DMKN: variants seen among roughly 807,000 people sequenced by gnomAD.
DMKN encodes the protein epidermis-specific secreted protein SK30/SK89.
A neutral mutation model predicts 67.6 loss-of-function variants in DMKN; 58 were observed. The ratio of observed to expected loss-of-function variants is 0.86; its 90% CI spans 0.69 to 1.07. The LOEUF (loss-of-function observed/expected upper bound fraction) is 1.07. DMKN is among the 50% of genes least tolerant of loss of function. The pLI is 0.00. For synonymous variants in DMKN, 240 were observed against 232.3 expected (o/e 1.03, Z -0.30); for missense variants, 596 against 601.5 (o/e 0.99, Z 0.10).
In DMKN at chr19:35,513,619, T is replaced by C; in HGVS notation, c.-144A>G. ...CCCTCCCTCTGGGTCTGCAGCCTTC[T>C]CTCTCCTGTCCTCAACTGCCTGGGC... On this transcript the variant is annotated 5_prime_UTR_variant, in exon 1 of 16. Transcript: ENST00000339686. The C allele has an allele frequency of 9.5e-7, 1 of 1,050,394 alleles. No homozygotes were observed. The highest frequency in any genetic ancestry group is 1.7e-5 in the South Asian group (1 of 59,340). 65.1% of individuals were successfully genotyped at this position (1,050,394 alleles called of 1,614,324 possible).
At chr19:35,506,478 C>T (rs565856112) in intron 7 of DMKN, 9 of 582,950 alleles carry the variant, frequency 1.5e-5, no homozygotes, top group African/African-American at 7.4e-5. Context: ...GATTAGCTAA[C>T]GTGTAGTCCC....
chr19:35,500,204 C>G (rs1275080261), intron 12 of DMKN, 175 bp from the exon 13 acceptor site: 2 of 1,173,272 alleles, frequency 1.7e-6, no homozygotes, highest in African/African-American at 3.0e-5. Context: ...AGGGCCCCCA[C>G]CCTCACCTGC....
At chr19:35,504,580 C>CAAA (rs532027754) in intron 9 of DMKN, among the ~76,000 whole-genome samples, 7 of 111,890 alleles carry the variant, frequency 6.3e-5, no homozygotes, top group East Asian at 2.5e-4. Flanking sequence ...TCCGTCTCAC[C>CAAA]AAAAAAAAAA....
chr19:35,499,169 C>A, intron 13 of DMKN: 1 of 518,820 alleles, frequency 1.9e-6, no homozygotes. Flanking sequence ...TCGCTTTGGC[C>A]TGCCAGGTAG....
intron 7 of DMKN, chr19:35,506,479 G>T: frequency 1.7e-6 from 1 of 583,292 alleles, no homozygotes; most frequent in Non-Finnish European, 3.2e-6. Context: ...ATTAGCTAAC[G>T]TGTAGTCCCA....
intron 11 of DMKN, chr19:35,501,725 C>T: frequency 7.7e-7 from 1 of 1,301,270 alleles, no homozygotes; most frequent in Non-Finnish European, 1.0e-6. Context: ...GCACACCGCC[C>T]TCCCGTTCCA....
At chr19:35,498,614 G>A in intron 15 of DMKN, 102 bp downstream of exon 15, 5 of 1,506,132 alleles carry the variant, frequency 3.3e-6, no homozygotes, top group Non-Finnish European at 4.5e-6. Flanking sequence ...TCATGTCGCT[G>A]CCCACTGAGA....
intron 7 of DMKN, chr19:35,508,247 G>C: frequency 1.3e-6 from 2 of 1,551,966 alleles, no homozygotes; most frequent in Non-Finnish European, 8.7e-7. Flanking sequence ...AGCCCTGCAG[G>C]GTGAGACAAA....
rs1273939429 is a variant in DMKN, at chr19:35,511,582, G to A, written c.747C>T (p.Gly249=). The A allele has an allele frequency of 3.1e-6, 5 of 1,611,718 alleles. No homozygotes were observed. Among genetic ancestry groups the A allele is most frequent in the Non-Finnish European group, 4.2e-6 (5 of 1,179,804 alleles). ...GGSSNSGGGS[G]SQSGSSGSGS... ...CACTGCCACTGCTGCCCGACTGTGAGCCGCTGCCTCCCTGAGGGGCAGGAA... is the reference window on the plus strand; with the variant it reads ...CACTGCCACTGCTGCCCGACTGTGAACCGCTGCCTCCCTGAGGGGCAGGAA... The change falls in exon 5 of 16, where the codon GGC becomes GGT. Residue 249 remains glycine (G), a synonymous_variant. Coordinates refer to ENST00000339686, the MANE Select transcript of DMKN (RefSeq NM_033317.5).
At position 35,510,381 on chromosome 19, in the gene DMKN, T is replaced by G. The variant is rs1367993365; in HGVS notation, c.919-129A>C. 12 of 1,552,200 alleles carry G rather than the reference T, an allele frequency of 7.7e-6. No homozygotes were observed. In the African/African-American group the frequency reaches 1.5e-4, roughly 19 times the overall value. On this transcript the variant is annotated intron_variant, in intron 5 of 15. Coordinates refer to ENST00000339686, the MANE Select transcript of DMKN (RefSeq NM_033317.5). Reference sequence around the variant, plus strand: ...AGTCCTCTTTCCAACCTCCAGACCTTCCCCCTCTTTAGCCTGTTGGTCGCT... The same window carrying G: ...AGTCCTCTTTCCAACCTCCAGACCTGCCCCCTCTTTAGCCTGTTGGTCGCT...
chr19:35,507,278 G>A, intron 7 of DMKN: 1 of 545,074 alleles, frequency 1.8e-6, no homozygotes, highest in East Asian at 3.0e-5. Context: ...AGGAAGGAAT[G>A]AATGAACCAA....
intron 12 of DMKN, chr19:35,500,322 G>A: frequency 1.3e-6 from 2 of 1,538,890 alleles, no homozygotes; most frequent in Non-Finnish European, 1.8e-6. Flanking sequence ...GAGGGTAGGA[G>A]ACCAAGAAAA....
At position 35,499,384 on chromosome 19, in the gene DMKN, A is replaced by C. The variant is rs80054515; in HGVS notation, c.1360-487T>G. The C allele has an allele frequency of 7.5e-3, 1,383 of 185,540 alleles. 25 individuals are homozygous for C. The highest frequency in any genetic ancestry group is 0.031 in the African/African-American group (1,290 of 42,134). The allele number at this position is 185,540 out of a possible 1,614,324, so 11.5% of individuals were successfully genotyped here. On this transcript the variant is annotated intron_variant, in intron 13 of 15. Transcript: ENST00000339686. ...ACAGCCTGCTGTTGCTTTGTCAGCCAAATTTGTACTTAGCATATTCATTTA... is the reference window on the plus strand; with the variant it reads ...ACAGCCTGCTGTTGCTTTGTCAGCCCAATTTGTACTTAGCATATTCATTTA...
At chr19:35,506,294 T>C (rs1354562758) in intron 7 of DMKN, 2 of 1,111,110 alleles carry the variant, frequency 1.8e-6, no homozygotes, top group Non-Finnish European at 2.5e-6. Context: ...CCAGGCTTCC[T>C]GTCCTCCTCT....
At chr19:35,498,540 AC>A in intron 15 of DMKN, 175 bp downstream of exon 15, 1 of 829,996 alleles carries the variant, frequency 1.2e-6, no homozygotes, top group Non-Finnish European at 1.8e-6. Context: ...CTTTCTCCAC[AC>A]CCCACCATGA....
chr19:35,501,932 T>C, intron 11 of DMKN: 1 of 1,559,448 alleles, frequency 6.4e-7, no homozygotes, highest in Admixed American at 1.9e-5. Flanking sequence ...GCCCTCGGCC[T>C]CGGCTTTTAT....
chr19:35,511,515 T>TGCC lies in DMKN; in HGVS notation c.811_813dup (p.Gly271dup). ...CCGCCACTGCTGCTGCCACTGCTGC[T>TGCC]GCCACCACTGCTGCTGCCATTGTTG... On this transcript the variant is annotated inframe_insertion, in exon 5 of 16. Transcript: ENST00000339686. The TGCC allele has an allele frequency of 5.8e-6, 9 of 1,546,184 alleles. No individual in the cohort carries two copies. The highest frequency in any genetic ancestry group is 2.3e-4 in the Middle Eastern group (1 of 4,386).
At chr19:35,508,243 G>C in intron 7 of DMKN, 1 of 1,552,128 alleles carries the variant, frequency 6.4e-7, no homozygotes, top group Non-Finnish European at 8.7e-7. Flanking sequence ...CTGAAGCCCT[G>C]CAGGGTGAGA....
rs1045639561 is a variant in DMKN at position 35,503,364 on chromosome 19, G to A, written c.1135-478C>T. 9.7e-6 allele frequency: 15 copies of A among 1,546,388 alleles called. No homozygotes were observed. The South Asian group carries it at 1.3e-4, about 14-fold the overall frequency. On this transcript the variant is annotated intron_variant, in intron 9 of 15. Coordinates refer to ENST00000339686, the MANE Select transcript of DMKN (RefSeq NM_033317.5). ...CTGAGATTAGTGATGAGAGGGTGGT[G>A]TTTTAAGGAGGGAGTGTGGGGGCTC...
Sources: gnomAD v4.1 joint callset for allele counts (sites outside exome capture counted in the v4.1 genomes callset) on GRCh38, gnomAD v4.1.1 for gene constraint, MANE v1.5 for transcripts, NCBI Gene and HGNC (gene_info 2026-07-23, HGNC 2026-07-21) for gene names.